Variants in DNAJC1 observed in about 807,000 individuals in gnomAD.
DNAJC1 encodes dnaJ homolog subfamily C member 1.
DNAJC1 carries 58 observed loss-of-function variants against 76.6 expected under a neutral mutation model. The observed-to-expected ratio is 0.76, with a 90% confidence interval of 0.61 to 0.94. DNAJC1 has a LOEUF of 0.94. DNAJC1 is among the 40% of genes least tolerant of loss of function. The pLI is 0.00. For synonymous variants in DNAJC1, 258 were observed against 267.9 expected (o/e 0.96, Z 0.36); for missense variants, 689 against 677.3 (o/e 1.02, Z -0.19).
At chr10:21,848,011 T>C (rs1835688642) in intron 8 of DNAJC1, among the ~76,000 whole-genome samples, 1 of 152,146 alleles carries the variant, frequency 6.6e-6, no homozygotes, top group African/African-American at 2.4e-5. Context: ...GTAGATCTAT[T>C]TGTAGTTTCT....
chr10:21,780,171 T>G (rs1050071829), intron 9 of DNAJC1, among the ~76,000 whole-genome samples: 34 of 152,200 alleles, frequency 2.2e-4, no homozygotes, highest in Non-Finnish European at 3.8e-4. Context: ...AAAACACTCT[T>G]CAGGATTTTA....
intron 9 of DNAJC1, among the ~76,000 whole-genome samples, chr10:21,788,362 C>A (rs779991096): frequency 6.6e-6 from 1 of 152,164 alleles, no homozygotes. Flanking sequence ...GGAACTCATG[C>A]CTTGGCTGAG....
chr10:22,001,822 A>G (rs1023633042), intron 1 of DNAJC1, among the ~76,000 whole-genome samples: 3 of 152,218 alleles, frequency 2.0e-5, no homozygotes, highest in African/African-American at 7.2e-5. Flanking sequence ...CCAGTATTAA[A>G]GTAGTTCTTA....
intron 8 of DNAJC1, among the ~76,000 whole-genome samples, chr10:21,853,279 C>CT (rs1186849507): frequency 6.6e-6 from 1 of 152,060 alleles, no homozygotes; most frequent in Non-Finnish European, 1.5e-5. Flanking sequence ...TGTCTTTGCG[C>CT]CACATGTGTT....
intron 8 of DNAJC1, among the ~76,000 whole-genome samples, chr10:21,831,210 G>C (rs1285064059): frequency 6.6e-6 from 1 of 152,126 alleles, no homozygotes; most frequent in Non-Finnish European, 1.5e-5. Context: ...CAGGTGCCCA[G>C]AGATTTCAAT....
chr10:21,770,006 A>G (rs1442909048), intron 9 of DNAJC1, among the ~76,000 whole-genome samples: 4 of 152,172 alleles, frequency 2.6e-5, no homozygotes, highest in Non-Finnish European at 4.4e-5. Context: ...AGTTTTTCCA[A>G]TAAAACAACT....
intron 1 of DNAJC1, among the ~76,000 whole-genome samples, chr10:21,991,644 C>T (rs1469762942): frequency 6.6e-6 from 1 of 151,846 alleles, no homozygotes; most frequent in Non-Finnish European, 1.5e-5. Flanking sequence ...TGATTTTATC[C>T]AAAAACATTT....
At chr10:21,987,882 T>A (rs1258461023) in intron 1 of DNAJC1, among the ~76,000 whole-genome samples, 1 of 152,170 alleles carries the variant, frequency 6.6e-6, no homozygotes, top group African/African-American at 2.4e-5. Flanking sequence ...CATTAGCCCA[T>A]GTTTCTGACT....
chr10:21,765,681 C>T (rs1301756359), intron 10 of DNAJC1, among the ~76,000 whole-genome samples: 4 of 152,058 alleles, frequency 2.6e-5, no homozygotes, highest in Non-Finnish European at 5.9e-5. Context: ...CAGGTCTCTA[C>T]TAAAAATACA....
Position 21,929,021 on chromosome 10 carries a change from A to C in DNAJC1, c.324+19T>G. 6.9e-7 allele frequency: 1 copy of C among 1,445,234 alleles called. No homozygotes were observed. The highest frequency in any genetic ancestry group is 1.2e-5 in the South Asian group (1 of 84,390). 89.5% of individuals were successfully genotyped at this position (1,445,234 alleles called of 1,614,324 possible). ...TACATTTGTCACAAAATATATATAT[A>C]ATAGCATATTTCACTTACTTGTCTA... On this transcript the variant is annotated intron_variant, in intron 2 of 11. Transcript: ENST00000376980.
intron 9 of DNAJC1, among the ~76,000 whole-genome samples, chr10:21,804,389 T>G (rs191087318): frequency 3.5e-4 from 53 of 152,184 alleles, no homozygotes; most frequent in Admixed American, 1.3e-3. Context: ...TTTATAACTT[T>G]AAAAAATTAT....
At chr10:21,782,327 C>T (rs1256847534) in intron 9 of DNAJC1, among the ~76,000 whole-genome samples, 1 of 152,112 alleles carries the variant, frequency 6.6e-6, no homozygotes, top group African/African-American at 2.4e-5. Context: ...TAAACCCTCC[C>T]AAGACTAAAC....
Position 21,856,533 on chromosome 10 carries a change from G to A in DNAJC1, c.978+25749C>T, listed in dbSNP as rs186963032. On this transcript the variant is annotated intron_variant, in intron 8 of 11. Transcript: ENST00000376980. The stretch of plus-strand genomic sequence containing the variant: ...ACGTTGATAGCTTGAAATCAGCCAC[G>A]GTGGGAGAAATTAACACCATTAAAA... Among the ~76,000 whole-genome samples the A allele has an allele frequency of 5.7e-4, 86 of 152,060 alleles. 1 individual carries two copies. The East Asian group carries it at 7.2e-3, about 13-fold the overall frequency.
chr10:21,929,969 T>C (rs778200051), intron 1 of DNAJC1, among the ~76,000 whole-genome samples: 1 of 152,178 alleles, frequency 6.6e-6, no homozygotes, highest in Non-Finnish European at 1.5e-5. Flanking sequence ...AAGAATACAC[T>C]GTCAAGTAGG....
intron 8 of DNAJC1, 45 bp from the exon 9 acceptor site, chr10:21,806,144 T>TA: frequency 6.5e-7 from 1 of 1,547,818 alleles, no homozygotes; most frequent in Non-Finnish European, 8.7e-7. Flanking sequence ...TGGGAGAAAA[T>TA]AAAAAGATAA....
chr10:21,919,924 T>A lies in DNAJC1; in HGVS notation c.543A>T (p.Glu181Asp), dbSNP rs1425982193. ...TTTCTCTCTTTTTTCTACTTAGTAGTTCATCCTTAATGTGGAAAGAATTAT... is the reference window on the plus strand; with the variant it reads ...TTTCTCTCTTTTTTCTACTTAGTAGATCATCCTTAATGTGGAAAGAATTAT... The part of the protein sequence containing the change: ...WSIYLEKQLD[E>D]LLSRKKREKK... The change falls in exon 5 of 12, where the codon GAA (glutamate) becomes GAT (aspartate). Residue 181 changes from glutamate to aspartate, a missense_variant. Glu to Asp is a conservative substitution (Grantham distance 45). Coordinates refer to ENST00000376980, the MANE Select transcript of DNAJC1 (RefSeq NM_022365.4). 2.5e-6 allele frequency: 4 copies of A among 1,592,326 alleles called. No individual in the cohort carries two copies. The highest frequency in any genetic ancestry group is 3.4e-6 in the Non-Finnish European group (4 of 1,168,276).
chr10:21,936,655 T>G (rs1425702322), intron 1 of DNAJC1, among the ~76,000 whole-genome samples: 12 of 152,190 alleles, frequency 7.9e-5, no homozygotes, highest in Admixed American at 7.9e-4. Context: ...TTTTCCTTTT[T>G]GCATCTCACA....
At chr10:21,975,247 A>T (rs1838043771) in intron 1 of DNAJC1, among the ~76,000 whole-genome samples, 1 of 152,116 alleles carries the variant, frequency 6.6e-6, no homozygotes, top group African/African-American at 2.4e-5. Flanking sequence ...AATGAGGTAT[A>T]AAGGAGTAGA....
At chr10:21,819,455 C>T (rs1300685532) in intron 8 of DNAJC1, among the ~76,000 whole-genome samples, 1 of 151,550 alleles carries the variant, frequency 6.6e-6, no homozygotes, top group Non-Finnish European at 1.5e-5. Flanking sequence ...GTTGGTCACG[C>T]TTTGAAATTC....
Sources: gnomAD v4.1 joint callset for allele counts (sites outside exome capture counted in the v4.1 genomes callset) on GRCh38, gnomAD v4.1.1 for gene constraint, MANE v1.5 for transcripts, NCBI Gene and HGNC (gene_info 2026-07-23, HGNC 2026-07-21) for gene names.